The following GALNT17 variants were observed in gnomAD, a reference collection of about 807,000 sequenced individuals.
GALNT17 encodes polypeptide N-acetylgalactosaminyltransferase 17.
GALNT17 carries 29 observed loss-of-function variants against 63.7 expected under a neutral mutation model. The ratio of observed to expected loss-of-function variants is 0.46; its 90% CI spans 0.34 to 0.62. The LOEUF (loss-of-function observed/expected upper bound fraction) is 0.62, where lower values mean the gene tolerates loss of function less well. GALNT17 is among the 20% of genes least tolerant of loss of function. The pLI is 0.01. For missense variants in GALNT17, 603 were observed against 799.6 expected (o/e 0.75, Z 2.97); for synonymous variants, 305 against 318.3 (o/e 0.96, Z 0.45).
At chr7:71,362,725 T>A (rs1792427323) in intron 2 of GALNT17, among the ~76,000 whole-genome samples, 1 of 152,114 alleles carries the variant, frequency 6.6e-6, no homozygotes, top group Admixed American at 6.6e-5. Context: ...CATTTGTGTA[T>A]ATTTTTACGG....
At chr7:71,447,018 A>G (rs1395176337) in intron 5 of GALNT17, among the ~76,000 whole-genome samples, 3 of 152,028 alleles carry the variant, frequency 2.0e-5, no homozygotes, top group African/African-American at 7.2e-5. Context: ...AAATTCACAC[A>G]CTACTCATTC....
intron 2 of GALNT17, among the ~76,000 whole-genome samples, chr7:71,338,055 G>C (rs1050509354): frequency 1.3e-5 from 2 of 151,632 alleles, no homozygotes; most frequent in Non-Finnish European, 2.9e-5. Flanking sequence ...TAAAAATTGC[G>C]AGGTGCGGTG....
chr7:71,271,855 G>A (rs1203523136), intron 1 of GALNT17, among the ~76,000 whole-genome samples: 3 of 152,162 alleles, frequency 2.0e-5, no homozygotes, highest in African/African-American at 7.2e-5. Flanking sequence ...GACCTCCCAG[G>A]CTAAAGCGAT....
chr7:71,438,948 G>T (rs899569715), intron 5 of GALNT17, among the ~76,000 whole-genome samples: 1 of 149,812 alleles, frequency 6.7e-6, no homozygotes, highest in African/African-American at 2.5e-5. Context: ...GCAGTGATGT[G>T]ATCATAGCTC....
intron 1 of GALNT17, among the ~76,000 whole-genome samples, chr7:71,152,663 G>A (rs954748912): frequency 1.3e-5 from 2 of 151,342 alleles, no homozygotes; most frequent in Admixed American, 6.6e-5. Flanking sequence ...ATAGAGTTTC[G>A]CTCTTGTTGC....
chr7:71,583,496 T>G (rs547406436), intron 6 of GALNT17, among the ~76,000 whole-genome samples: 30 of 152,332 alleles, frequency 2.0e-4, no homozygotes, highest in Non-Finnish European at 2.9e-4. Context: ...AGTTTGTCTC[T>G]GCAGTGGCAC....
intron 1 of GALNT17, among the ~76,000 whole-genome samples, chr7:71,170,934 A>G (rs1416594917): frequency 6.6e-6 from 1 of 151,550 alleles, no homozygotes; most frequent in Non-Finnish European, 1.5e-5. Flanking sequence ...CCTGTTTTTC[A>G]TCTTTATTGC....
intron 9 of GALNT17, among the ~76,000 whole-genome samples, chr7:71,688,698 T>C (rs1043045807): frequency 6.6e-6 from 1 of 152,218 alleles, no homozygotes; most frequent in African/African-American, 2.4e-5. Flanking sequence ...CAGGAGTAGA[T>C]TCCTCCTCAA....
At chr7:71,214,191 G>C (rs888812399) in intron 1 of GALNT17, among the ~76,000 whole-genome samples, 1 of 152,200 alleles carries the variant, frequency 6.6e-6, no homozygotes, top group Non-Finnish European at 1.5e-5. Context: ...AGTGAAATTT[G>C]TCAGTGAGAG....
rs192219305 is a variant in GALNT17, at chr7:71,483,455, G to A, written c.962+62350G>A. On this transcript the variant is annotated intron_variant, in intron 5 of 10. Transcript: ENST00000333538. ...ACTGCACTCCAGCCTGGGCAACAGA[G>A]TGAGACTCCTTCCAAAAATAAAAAA... is the stretch of plus-strand genomic sequence containing the variant. Among the ~76,000 whole-genome samples the A allele has an allele frequency of 2.0e-5, 3 of 151,986 alleles. No individual in the cohort carries two copies. The East Asian group carries it at 5.8e-4, about 30-fold the overall frequency.
chr7:71,265,999 A>G (rs373908871), intron 1 of GALNT17, among the ~76,000 whole-genome samples: 1 of 151,986 alleles, frequency 6.6e-6, no homozygotes, highest in Non-Finnish European at 1.5e-5. Context: ...GGTGAATGTA[A>G]TTCATTCCTT....
chr7:71,545,799 A>G (rs1400508226), intron 5 of GALNT17, among the ~76,000 whole-genome samples: 3 of 152,228 alleles, frequency 2.0e-5, no homozygotes, highest in Non-Finnish European at 4.4e-5. Context: ...ATATCTATTA[A>G]GAGCTCATCT....
chr7:71,577,290 GT>G (rs1432085071), intron 6 of GALNT17, among the ~76,000 whole-genome samples: 1 of 152,178 alleles, frequency 6.6e-6, no homozygotes, highest in Non-Finnish European at 1.5e-5. Flanking sequence ...GATGGCATCG[GT>G]TGTTCCTCCA....
At chr7:71,292,698 T>C (rs1463078629) in intron 1 of GALNT17, among the ~76,000 whole-genome samples, 2 of 151,326 alleles carry the variant, frequency 1.3e-5, no homozygotes, top group African/African-American at 2.4e-5. Context: ...TGTGTGTGTG[T>C]GTGTGTGTGT....
At chr7:71,382,190 G>T (rs1792859018) in intron 2 of GALNT17, among the ~76,000 whole-genome samples, 1 of 152,146 alleles carries the variant, frequency 6.6e-6, no homozygotes, top group Admixed American at 6.5e-5. Flanking sequence ...GACCAGCCTG[G>T]ACAACATGGT....
intron 5 of GALNT17, among the ~76,000 whole-genome samples, chr7:71,431,183 A>G (rs1210158123): frequency 1.4e-5 from 2 of 144,214 alleles, no homozygotes; most frequent in South Asian, 2.3e-4. Flanking sequence ...TTCTCACCCT[A>G]TGAGTATTTT....
intron 1 of GALNT17, among the ~76,000 whole-genome samples, chr7:71,246,115 G>GTTTTTT (rs61447370): frequency 5.5e-4 from 51 of 91,998 alleles, no homozygotes; most frequent in African/African-American, 1.6e-3. Context: ...TTTTTTCGTT[G>GTTTTTT]TTTTTTTTTT....
At chr7:71,357,852 A>G (rs1175897990) in intron 2 of GALNT17, among the ~76,000 whole-genome samples, 3 of 152,266 alleles carry the variant, frequency 2.0e-5, no homozygotes, top group Middle Eastern at 3.4e-3. Flanking sequence ...ACATGCACCA[A>G]TCAGAGCTTT....
intron 2 of GALNT17, among the ~76,000 whole-genome samples, chr7:71,347,157 T>A (rs1041896086): frequency 6.6e-6 from 1 of 152,286 alleles, no homozygotes; most frequent in African/African-American, 2.4e-5. Context: ...TGAATGTTCA[T>A]CCCACTTTTG....
Sources: allele counts gnomAD v4.1 joint callset (sites outside exome capture counted in the v4.1 genomes callset), GRCh38; gene constraint gnomAD v4.1.1; transcripts MANE v1.5; gene names NCBI Gene and HGNC (gene_info 2026-07-23, HGNC 2026-07-21).